PTPRK: variants seen among roughly 807,000 people sequenced by gnomAD.
PTPRK encodes receptor-type tyrosine-protein phosphatase kappa.
In PTPRK, 75 loss-of-function variants were observed where a neutral mutation model predicts 178.0. The observed-to-expected ratio is 0.42, with a 90% CI of 0.35 to 0.51. The LOEUF is 0.51. Ranked by LOEUF, PTPRK falls within the 20% of genes least tolerant of loss-of-function variation. The pLI, the probability that PTPRK is intolerant of heterozygous loss-of-function variation, is 0.02. For missense variants in PTPRK, 1,441 were observed against 1,797.8 expected (o/e 0.80, Z 3.59); for synonymous variants, 637 against 620.6 (o/e 1.03, Z -0.39).
chr6:128,230,226 T>A (rs1424521490), intron 5 of PTPRK, among the ~76,000 whole-genome samples: 1 of 151,938 alleles, frequency 6.6e-6, no homozygotes, highest in East Asian at 1.9e-4. Context: ...ATCAGCAAAA[T>A]GTGGACAGGG....
At chr6:128,119,078 C>T (rs113330280) in intron 7 of PTPRK, among the ~76,000 whole-genome samples, 3,949 of 151,966 alleles carry the variant, frequency 0.026, 75 homozygotes, top group Middle Eastern at 0.092. Context: ...AAGTGACATG[C>T]GTAAATTTAA....
chr6:128,472,144 A>G (rs1850763950), intron 1 of PTPRK, among the ~76,000 whole-genome samples: 2 of 152,034 alleles, frequency 1.3e-5, no homozygotes, highest in Non-Finnish European at 2.9e-5. Flanking sequence ...AGAGAGGATA[A>G]AGCCAAGTGA....
intron 13 of PTPRK, among the ~76,000 whole-genome samples, chr6:128,033,862 C>CA (rs1361050624): frequency 1.2e-3 from 163 of 140,100 alleles, no homozygotes; most frequent in East Asian, 4.3e-3. Flanking sequence ...GACCTTGTCT[C>CA]AAAAAAAAAA....
At chr6:128,442,937 G>C (rs540648458) in intron 1 of PTPRK, among the ~76,000 whole-genome samples, 3 of 152,226 alleles carry the variant, frequency 2.0e-5, no homozygotes, top group African/African-American at 4.8e-5. Context: ...ATTGTAAAAG[G>C]AATTTGAATT....
At chr6:128,321,961 A>C (rs565389826) in intron 3 of PTPRK, 78 bp downstream of exon 3, 2 of 1,583,210 alleles carry the variant, frequency 1.3e-6, no homozygotes, top group African/African-American at 1.3e-5. Context: ...CATGAGATGC[A>C]TATTTACATC....
intron 2 of PTPRK, among the ~76,000 whole-genome samples, chr6:128,343,225 G>A (rs186389774): frequency 9.5e-4 from 145 of 151,986 alleles, no homozygotes; most frequent in African/African-American, 3.1e-3. Context: ...AGAATCAGCC[G>A]GGCGCAGTGG....
chr6:128,296,653 A>C (rs1461777958), intron 3 of PTPRK, among the ~76,000 whole-genome samples: 1 of 152,036 alleles, frequency 6.6e-6, no homozygotes, highest in Non-Finnish European at 1.5e-5. Context: ...GAAATAAAAT[A>C]CTTTACAGAC....
intron 3 of PTPRK, among the ~76,000 whole-genome samples, chr6:128,301,336 GC>G (rs1289039005): frequency 6.6e-6 from 1 of 151,510 alleles, no homozygotes; most frequent in Non-Finnish European, 1.5e-5. Flanking sequence ...TTGCTCAAAT[GC>G]TTAAACCAAA....
intron 2 of PTPRK, among the ~76,000 whole-genome samples, chr6:128,390,205 G>A (rs9385457): frequency 0.041 from 6,235 of 152,080 alleles, 385 homozygotes; most frequent in East Asian, 0.32. Context: ...GATTCCTTTC[G>A]TCCATGATTT....
chr6:128,078,155 A>AG (rs1784166329), intron 11 of PTPRK, among the ~76,000 whole-genome samples: 2 of 151,956 alleles, frequency 1.3e-5, no homozygotes, highest in African/African-American at 2.4e-5. Context: ...ATGGGACTAG[A>AG]GGGGGGAAAA....
intron 7 of PTPRK, among the ~76,000 whole-genome samples, chr6:128,182,960 A>C (rs58989806): frequency 0.017 from 2,595 of 152,292 alleles, 64 homozygotes; most frequent in African/African-American, 0.059. Context: ...TAGTTTGGGC[A>C]CAGGAAGTCA....
intron 1 of PTPRK, among the ~76,000 whole-genome samples, chr6:128,462,779 C>T (rs1047088010): frequency 7.2e-5 from 11 of 151,898 alleles, no homozygotes; most frequent in Admixed American, 3.3e-4. Flanking sequence ...CCTCAGCCTC[C>T]CAAGTAGCTG....
intron 10 of PTPRK, among the ~76,000 whole-genome samples, chr6:128,080,061 G>A (rs1183295311): frequency 6.8e-6 from 1 of 148,120 alleles, no homozygotes; most frequent in Non-Finnish European, 1.5e-5. Flanking sequence ...GGCAGTGGGG[G>A]GATGAAACCA....
chr6:128,082,469 G>T lies in PTPRK; in HGVS notation c.1745C>A (p.Ala582Asp). 1 of 1,612,866 alleles carries T rather than the reference G, an allele frequency of 6.2e-7. No homozygotes were observed. The highest frequency in any genetic ancestry group is 8.5e-7 in the Non-Finnish European group (1 of 1,179,052). Residue 582 changes from alanine (A) to aspartate (D), a missense_variant, in exon 10 of 30, where the codon GCC (alanine) becomes GAC (aspartate). By Grantham distance (126) the Ala-to-Asp change is moderately radical (BLOSUM62 -2). Coordinates refer to ENST00000368226, the MANE Select transcript of PTPRK (RefSeq NM_002844.4). ...ATTGGTGGTGACATTGATGGCTGTG[G>T]CTGGACCAAAGCCTTTGACCGTGCT... ...RASTVKGFGP[A>D]TAINVTTNIS...
chr6:128,483,589 A>G (rs562855446), intron 1 of PTPRK, among the ~76,000 whole-genome samples: 1 of 152,254 alleles, frequency 6.6e-6, no homozygotes, highest in South Asian at 2.1e-4. Flanking sequence ...TCCAAAACAT[A>G]GTAATGGAAC....
At chr6:128,471,254 C>T (rs527483276) in intron 1 of PTPRK, among the ~76,000 whole-genome samples, 2 of 152,114 alleles carry the variant, frequency 1.3e-5, no homozygotes, top group East Asian at 1.9e-4. Context: ...TTTTACAGGG[C>T]ATCCAGTTTT....
At chr6:128,024,741 C>A (rs190268502) in intron 13 of PTPRK, among the ~76,000 whole-genome samples, 132 of 152,198 alleles carry the variant, frequency 8.7e-4, no homozygotes, top group African/African-American at 2.6e-3. Flanking sequence ...TCCTGGGAGG[C>A]AGAGGTTGCA....
chr6:128,088,364 A>G (rs971254413), intron 8 of PTPRK, among the ~76,000 whole-genome samples: 1 of 150,746 alleles, frequency 6.6e-6, no homozygotes, highest in Non-Finnish European at 1.5e-5. Context: ...ATGACAGAGT[A>G]AGACTGTTTC....
chr6:128,014,047 G>C (rs934565158), intron 13 of PTPRK, among the ~76,000 whole-genome samples: 3 of 151,514 alleles, frequency 2.0e-5, no homozygotes, highest in Non-Finnish European at 4.4e-5. Flanking sequence ...AGGAGCAACA[G>C]AACAGAAAAT....
Sources: allele counts gnomAD v4.1 joint callset (sites outside exome capture counted in the v4.1 genomes callset), GRCh38; gene constraint gnomAD v4.1.1; transcripts MANE v1.5; gene names NCBI Gene and HGNC (gene_info 2026-07-23, HGNC 2026-07-21).